The following CCSER1 variants were observed in gnomAD, a reference collection of about 807,000 sequenced individuals.
The protein encoded by CCSER1 is coiled-coil serine rich protein 1, also known as serine-rich coiled-coil domain-containing protein 1.
In CCSER1, 41 loss-of-function variants were observed where a neutral mutation model predicts 82.0. The observed-to-expected ratio is 0.50, with a 90% CI of 0.39 to 0.65. CCSER1 has a LOEUF of 0.65. Among genes scored for constraint, CCSER1 ranks in the 30% least tolerant of loss-of-function variants. CCSER1 has a pLI of 0.00. For synonymous variants in CCSER1, 414 were observed against 383.9 expected (o/e 1.08, Z -0.92); for missense variants, 1,119 against 1,064.2 (o/e 1.05, Z -0.72).
rs184543457 is a variant in CCSER1 at position 90,774,973 on chromosome 4, T to C, written c.2011-40789T>C. 6.6e-5 allele frequency among the ~76,000 whole-genome samples: 10 copies of C among 152,228 alleles called. No individual in the cohort carries two copies. The East Asian group carries it at 1.9e-3, about 29-fold the overall frequency. Reference sequence around the variant, plus strand: ...AGACTTAAGGATTTAAGTTAAAAAATTACAAATTGCTAATCAATGTTGTAA... The same window carrying C: ...AGACTTAAGGATTTAAGTTAAAAAACTACAAATTGCTAATCAATGTTGTAA... On this transcript the variant is annotated intron_variant, in intron 7 of 10. Coordinates refer to ENST00000509176, the MANE Select transcript of CCSER1 (RefSeq NM_001145065.2).
intron 6 of CCSER1, among the ~76,000 whole-genome samples, chr4:90,630,955 G>A (rs1417147983): frequency 7.3e-5 from 11 of 150,962 alleles, no homozygotes; most frequent in South Asian, 2.1e-4. Context: ...GTGCAGTGGC[G>A]CGATCTCAGC....
intron 9 of CCSER1, among the ~76,000 whole-genome samples, chr4:91,041,831 G>A (rs1741979801): frequency 6.6e-6 from 1 of 152,152 alleles, no homozygotes; most frequent in African/African-American, 2.4e-5. Context: ...TAACTCACAT[G>A]TGCTTCAGGT....
intron 5 of CCSER1, among the ~76,000 whole-genome samples, chr4:90,565,575 T>G (rs1270471806): frequency 6.6e-6 from 1 of 152,232 alleles, no homozygotes; most frequent in Non-Finnish European, 1.5e-5. Context: ...GCACCAGGCA[T>G]CCTGCCTTGT....
At chr4:91,061,526 T>TTTTTA (rs568719228) in intron 9 of CCSER1, among the ~76,000 whole-genome samples, 285 of 152,010 alleles carry the variant, frequency 1.9e-3, no homozygotes, top group Non-Finnish European at 3.2e-3. Flanking sequence ...AAAGGTGTTG[T>TTTTTA]TTTTATTTTA....
intron 9 of CCSER1, among the ~76,000 whole-genome samples, chr4:91,048,555 C>T (rs1045262468): frequency 6.6e-6 from 1 of 151,852 alleles, no homozygotes; most frequent in African/African-American, 2.4e-5. Context: ...ATCTATATTC[C>T]CATGGACAGG....
chr4:91,294,472 T>A (rs1227386916), intron 10 of CCSER1, among the ~76,000 whole-genome samples: 1 of 151,790 alleles, frequency 6.6e-6, no homozygotes, highest in African/African-American at 2.4e-5. Context: ...TAGGCCTGCC[T>A]AACAAGTTAC....
intron 10 of CCSER1, among the ~76,000 whole-genome samples, chr4:91,271,283 A>G (rs1742006371): frequency 6.6e-6 from 1 of 150,714 alleles, no homozygotes; most frequent in Non-Finnish European, 1.5e-5. Flanking sequence ...TTTTTTCCCC[A>G]TAGGTTATTG....
At chr4:91,126,887 A>T (rs923632104) in intron 10 of CCSER1, among the ~76,000 whole-genome samples, 1 of 151,994 alleles carries the variant, frequency 6.6e-6, no homozygotes, top group African/African-American at 2.4e-5. Context: ...TTGAAGATAC[A>T]GGGCCTGGAT....
At chr4:91,579,956 T>G (rs2110309492) in intron 10 of CCSER1, among the ~76,000 whole-genome samples, 1 of 152,030 alleles carries the variant, frequency 6.6e-6, no homozygotes, top group South Asian at 2.1e-4. Flanking sequence ...AGTAGCGTGA[T>G]GCATTCCAAG....
At chr4:90,897,098 T>G (rs2150133755) in intron 8 of CCSER1, among the ~76,000 whole-genome samples, 1 of 152,086 alleles carries the variant, frequency 6.6e-6, no homozygotes, top group South Asian at 2.1e-4. Flanking sequence ...TTACACTTTT[T>G]TTTACTCTAA....
chr4:90,605,838 CAAT>C (rs1466381467), intron 5 of CCSER1, among the ~76,000 whole-genome samples: 1 of 151,676 alleles, frequency 6.6e-6, no homozygotes, highest in Non-Finnish European at 1.5e-5. Flanking sequence ...AATGTTAAGA[CAAT>C]AAAAATATTT....
At position 91,056,249 on chromosome 4, in the gene CCSER1, T is replaced by C. The variant is rs141009203; in HGVS notation, c.2173-29701T>C. 5.3e-5 allele frequency among the ~76,000 whole-genome samples: 8 copies of C among 152,264 alleles called. No homozygotes were observed. The East Asian group carries it at 1.5e-3, about 29-fold the overall frequency. ...GGCCATATTTTTACCATTTGTTATATGCTATCTTAGTCCATTTTGTGATTC... is the reference window on the plus strand; with the variant it reads ...GGCCATATTTTTACCATTTGTTATACGCTATCTTAGTCCATTTTGTGATTC... On this transcript the variant is annotated intron_variant, in intron 9 of 10. Transcript: ENST00000509176.
At chr4:90,927,068 T>A (rs28478104) in intron 9 of CCSER1, among the ~76,000 whole-genome samples, 46,273 of 151,888 alleles carry the variant, frequency 0.3, 7,476 homozygotes, top group Non-Finnish European at 0.35. Context: ...AATCAAAATA[T>A]TCTAAAGATC....
chr4:90,490,703 G>C (rs569771235), intron 5 of CCSER1, among the ~76,000 whole-genome samples: 4 of 152,108 alleles, frequency 2.6e-5, no homozygotes, highest in Non-Finnish European at 5.9e-5. Context: ...TTTATATAAG[G>C]TTTAAGGAAG....
At position 90,536,221 on chromosome 4, in the gene CCSER1, A is replaced by G. The variant is rs1458238135; in HGVS notation, c.1724+67867A>G. Among the ~76,000 whole-genome samples the G allele has an allele frequency of 3.3e-5, 5 of 151,738 alleles. No homozygotes were observed. In the East Asian group the frequency reaches 7.7e-4, roughly 23 times the overall value. ...CTAATTTTTTGTATTTTTAGTAGAG[A>G]TGGGGTTTTGCCGTGTTAGCCAGGC... On this transcript the variant is annotated intron_variant, in intron 5 of 10. Coordinates refer to ENST00000509176, the MANE Select transcript of CCSER1 (RefSeq NM_001145065.2).
intron 10 of CCSER1, among the ~76,000 whole-genome samples, chr4:91,455,680 G>T (rs1756128103): frequency 6.6e-6 from 1 of 152,052 alleles, no homozygotes; most frequent in Non-Finnish European, 1.5e-5. Context: ...CCAGACTGAA[G>T]GCGTGATTAT....
intron 10 of CCSER1, among the ~76,000 whole-genome samples, chr4:91,135,140 A>G (rs1728350925): frequency 1.3e-5 from 2 of 152,288 alleles, no homozygotes; most frequent in South Asian, 4.1e-4. Context: ...CTTTGCAGTG[A>G]TGGTTGAAGC....
intron 10 of CCSER1, among the ~76,000 whole-genome samples, chr4:91,553,005 T>C (rs1287262596): frequency 5.3e-5 from 8 of 151,522 alleles, no homozygotes; most frequent in Admixed American, 5.3e-4. Context: ...ACGTTAGCTG[T>C]GATTTGTTTT....
intron 7 of CCSER1, among the ~76,000 whole-genome samples, chr4:90,796,207 G>A (rs541819467): frequency 1.3e-4 from 20 of 150,740 alleles, no homozygotes; most frequent in East Asian, 7.8e-4. Context: ...ATTTCTTCCC[G>A]TGCTCAGTAT....
Sources: gnomAD v4.1 joint callset for allele counts (sites outside exome capture counted in the v4.1 genomes callset) on GRCh38, gnomAD v4.1.1 for gene constraint, MANE v1.5 for transcripts, NCBI Gene and HGNC (gene_info 2026-07-23, HGNC 2026-07-21) for gene names.